Variants in CCDC6 observed in about 807,000 individuals in gnomAD.
CCDC6 encodes the protein coiled-coil domain containing 6.
A neutral mutation model predicts 56.6 loss-of-function variants in CCDC6; 20 were observed. That is an observed-to-expected ratio of 0.35 (90% CI 0.25 to 0.51). CCDC6 has a LOEUF of 0.51. Among genes scored for constraint, CCDC6 ranks in the 20% least tolerant of loss-of-function variants. The pLI is 0.95. For missense variants in CCDC6, 367 were observed against 601.1 expected (o/e 0.61, Z 4.07); for synonymous variants, 241 against 234.4 (o/e 1.03, Z -0.26).
chr10:59,810,045 G>T (rs1308661496), intron 5 of CCDC6, among the ~76,000 whole-genome samples: 2 of 152,156 alleles, frequency 1.3e-5, no homozygotes, highest in Non-Finnish European at 2.9e-5. Flanking sequence ...AATTCAGTCA[G>T]AATTCCAAGG....
chr10:59,851,532 T>C (rs2071039191), intron 2 of CCDC6, among the ~76,000 whole-genome samples: 1 of 152,196 alleles, frequency 6.6e-6, no homozygotes, highest in Non-Finnish European at 1.5e-5. Flanking sequence ...AAAAGCTGCC[T>C]GGAACATGTT....
At chr10:59,837,677 T>C (rs1005560645) in intron 2 of CCDC6, among the ~76,000 whole-genome samples, 13 of 133,284 alleles carry the variant, frequency 9.8e-5, no homozygotes, top group African/African-American at 3.2e-4. Flanking sequence ...ACCTGGGAAG[T>C]GGAGGTTGCA....
intron 1 of CCDC6, among the ~76,000 whole-genome samples, chr10:59,890,674 C>A (rs1024347901): frequency 6.6e-6 from 1 of 152,158 alleles, no homozygotes; most frequent in Non-Finnish European, 1.5e-5. Flanking sequence ...CAGGTTCACA[C>A]AGCAAGGAAG....
At position 59,879,401 on chromosome 10, in the gene CCDC6, G is replaced by A. The variant is rs111728925; in HGVS notation, c.304-26699C>T. ...TTGAGAAACAAATAAGTATCCAGGA[G>A]TTAATCAGATGCTCACAGCCAGACC... is the stretch of plus-strand genomic sequence containing the variant. On this transcript the variant is annotated intron_variant, in intron 1 of 8. Coordinates refer to ENST00000263102, the MANE Select transcript of CCDC6 (RefSeq NM_005436.5). Among the ~76,000 whole-genome samples the A allele has an allele frequency of 9.1e-3, 1,391 of 152,248 alleles. 23 individuals carry two copies. Among genetic ancestry groups the A allele is most frequent in the African/African-American group, 0.032 (1,339 of 41,524 alleles).
At chr10:59,883,275 G>C (rs2071359475) in intron 1 of CCDC6, among the ~76,000 whole-genome samples, 1 of 152,192 alleles carries the variant, frequency 6.6e-6, no homozygotes, top group Admixed American at 6.5e-5. Flanking sequence ...TGAGTGAAAT[G>C]TGATACTGGA....
At chr10:59,848,765 G>A (rs888373070) in intron 2 of CCDC6, among the ~76,000 whole-genome samples, 16 of 152,230 alleles carry the variant, frequency 1.1e-4, no homozygotes, top group Admixed American at 3.9e-4. Context: ...CCAGGCTGGA[G>A]AGCAGCAGCG....
chr10:59,865,237 CT>C (rs1365833468), intron 1 of CCDC6, among the ~76,000 whole-genome samples: 2 of 152,156 alleles, frequency 1.3e-5, no homozygotes, highest in African/African-American at 4.8e-5. Flanking sequence ...GCTATACATG[CT>C]TGGAAAACCT....
intron 1 of CCDC6, among the ~76,000 whole-genome samples, chr10:59,858,629 GT>G (rs2071098680): frequency 6.6e-6 from 1 of 152,130 alleles, no homozygotes; most frequent in South Asian, 2.1e-4. Context: ...ACAGACACAT[GT>G]CCTTCTGGGC....
At chr10:59,837,835 C>T (rs1295963603) in intron 2 of CCDC6, among the ~76,000 whole-genome samples, 2 of 151,142 alleles carry the variant, frequency 1.3e-5, no homozygotes, top group African/African-American at 4.9e-5. Context: ...ATCTGTTACC[C>T]ACAGTACCAC....
chr10:59,801,222 G>A (rs2070572272), intron 7 of CCDC6, among the ~76,000 whole-genome samples: 1 of 152,070 alleles, frequency 6.6e-6, no homozygotes, highest in Non-Finnish European at 1.5e-5. Context: ...CAAATTAAAG[G>A]CAGGCACTTT....
Position 59,806,960 on chromosome 10 carries a change from G to A in CCDC6, c.966C>T (p.Leu322=), listed in dbSNP as rs1429269887. 7 of 1,613,890 alleles carry A rather than the reference G, an allele frequency of 4.3e-6. No homozygotes were observed. The highest frequency in any genetic ancestry group is 5.1e-6 in the Non-Finnish European group (6 of 1,179,942). The stretch of plus-strand genomic sequence containing the variant: ...TTTCTAAGCTGGACTCACTCTCGGA[G>A]AGCTGTCGACAGAGGGCTTCTCTTC... ...MERREALCRQ[L]SESESSLEMD... Residue 322 remains leucine (L), a synonymous_variant, in exon 6 of 9, where the codon CTC becomes CTT. Coordinates refer to ENST00000263102, the MANE Select transcript of CCDC6 (RefSeq NM_005436.5).
At chr10:59,814,805 G>A in intron 3 of CCDC6, 50 bp from the exon 4 acceptor site, 1 of 1,206,108 alleles carries the variant, frequency 8.3e-7, no homozygotes, top group Non-Finnish European at 1.2e-6. Flanking sequence ...CTTATACTTT[G>A]TTAATACATT....
intron 2 of CCDC6, among the ~76,000 whole-genome samples, chr10:59,846,621 A>G (rs1358778457): frequency 6.6e-6 from 1 of 152,230 alleles, no homozygotes; most frequent in Admixed American, 6.5e-5. Context: ...ATATGGCTAC[A>G]ATAATTTTTA....
At chr10:59,830,121 G>C (rs1280977174) in intron 3 of CCDC6, among the ~76,000 whole-genome samples, 1 of 152,216 alleles carries the variant, frequency 6.6e-6, no homozygotes, top group Non-Finnish European at 1.5e-5. Flanking sequence ...GGGAGCATAT[G>C]TGATAACTGC....
chr10:59,852,485 ATCAAAG>A, intron 2 of CCDC6, 62 bp downstream of exon 2: 1 of 1,349,748 alleles, frequency 7.4e-7, no homozygotes, highest in Non-Finnish European at 1.0e-6. Flanking sequence ...AAAGTGCTAT[ATCAAAG>A]TCATTTTCTC....
rs1449392092 is a variant in CCDC6, at chr10:59,790,778, G to A, written c.*2139C>T. The A allele has an allele frequency of 2.3e-5, 5 of 213,848 alleles. No homozygotes were observed. The highest frequency in any genetic ancestry group is 2.1e-4 in the East Asian group (3 of 14,310). The allele number at this position is 213,848 out of a possible 1,614,324, so 13.2% of individuals were successfully genotyped here. A position where few individuals can be genotyped will look rare whatever the true frequency, so the allele number is the denominator to read the frequency against. ...AAAAGGCATTTATCAGGAAATGTTC[G>A]CTCACTCCAAGTGCTTTTTAAAAAT... On this transcript the variant is annotated 3_prime_UTR_variant, in exon 9 of 9. Transcript: ENST00000263102.
At position 59,906,233 on chromosome 10, in the gene CCDC6, G is replaced by A; in HGVS notation, c.192C>T (p.Ala64=). 1 of 1,613,546 alleles carries A rather than the reference G, an allele frequency of 6.2e-7. No individual in the cohort carries two copies. Among genetic ancestry groups the A allele is most frequent in the South Asian group, 1.1e-5 (1 of 91,062 alleles). ...GCACCTTGTTCTCTTGCTGCAGCGA[G>A]GCCAGGCGGTTGGTGAGCTCCTCCA... is the stretch of plus-strand genomic sequence containing the variant. ...FRLEELTNRL[A]SLQQENKVLK... is the part of the protein sequence containing the mutation. The change falls in exon 1 of 9, where the codon GCC becomes GCT. Residue 64 remains alanine (A), a synonymous_variant. Transcript: ENST00000263102.
chr10:59,793,774 GA>G (rs11421511), intron 8 of CCDC6, among the ~76,000 whole-genome samples: 7,331 of 143,982 alleles, frequency 0.051, 613 homozygotes, highest in African/African-American at 0.17. Flanking sequence ...ACAGAGTGAG[GA>G]AAAAAAAAAA....
At chr10:59,807,793 C>T (rs16914172) in intron 5 of CCDC6, among the ~76,000 whole-genome samples, 1 of 152,070 alleles carries the variant, frequency 6.6e-6, no homozygotes, top group Non-Finnish European at 1.5e-5. Flanking sequence ...GCTCTAGACA[C>T]CAGTTTGGCT....
Sources: gnomAD v4.1 joint callset for allele counts (sites outside exome capture counted in the v4.1 genomes callset) on GRCh38, gnomAD v4.1.1 for gene constraint, MANE v1.5 for transcripts, NCBI Gene and HGNC (gene_info 2026-07-23, HGNC 2026-07-21) for gene names.